The following GLI3 variants were observed in gnomAD, a reference collection of about 807,000 sequenced individuals.
The protein encoded by GLI3 is transcription activator GLI3.
In GLI3, 20 loss-of-function variants were observed where a neutral mutation model predicts 100.8. That is an observed-to-expected ratio of 0.20 (90% CI 0.14 to 0.29). The LOEUF is 0.29. GLI3 is among the 10% of genes least tolerant of loss of function. The pLI, the probability that GLI3 is intolerant of heterozygous loss-of-function variation, is 1.00. For synonymous variants in GLI3, 938 were observed against 860.5 expected (o/e 1.09, Z -1.58); for missense variants, 2,040 against 2,128.5 (o/e 0.96, Z 0.82).
At chr7:42,226,093 A>G (rs1244121059) in intron 1 of GLI3, among the ~76,000 whole-genome samples, 2 of 152,254 alleles carry the variant, frequency 1.3e-5, no homozygotes, top group Admixed American at 6.5e-5. Flanking sequence ...TTTAGCAGAA[A>G]TATTTAATTG....
intron 3 of GLI3, among the ~76,000 whole-genome samples, chr7:42,089,788 T>A (rs1785179172): frequency 6.6e-6 from 1 of 152,260 alleles, no homozygotes; most frequent in Admixed American, 6.5e-5. Flanking sequence ...CTTAACTCTG[T>A]TGACTCCACA....
intron 2 of GLI3, among the ~76,000 whole-genome samples, chr7:42,171,289 C>G (rs996266926): frequency 1.3e-5 from 2 of 152,192 alleles, no homozygotes; most frequent in Non-Finnish European, 2.9e-5. Flanking sequence ...ACACTTCTTC[C>G]CAAGTGAAAA....
At chr7:41,997,153 C>T (rs1253304920) in intron 10 of GLI3, among the ~76,000 whole-genome samples, 1 of 152,126 alleles carries the variant, frequency 6.6e-6, no homozygotes, top group Non-Finnish European at 1.5e-5. Flanking sequence ...GTTTTTCCCC[C>T]AGATGTTTCC....
chr7:41,965,110 C>T lies in GLI3; in HGVS notation c.3963G>A (p.Gly1321=). 1.2e-6 allele frequency: 2 copies of T among 1,613,746 alleles called. No homozygotes were observed. Among genetic ancestry groups the T allele is most frequent in the South Asian group, 1.1e-5 (1 of 91,088 alleles). ...GMQNQDPVGQ[G]YLAHQLLGDS... Reference sequence around the variant, plus strand: ...CGCCGAGGAGCTGGTGAGCCAGGTACCCCTGTCCCACTGGGTCCTGGTTCT... The same window carrying T: ...CGCCGAGGAGCTGGTGAGCCAGGTATCCCTGTCCCACTGGGTCCTGGTTCT... Residue 1321 remains glycine, a synonymous_variant, in exon 15 of 15, where the codon GGG becomes GGA. Transcript: ENST00000395925.
At chr7:42,223,816 A>G (rs1055845610) in intron 1 of GLI3, among the ~76,000 whole-genome samples, 1 of 152,172 alleles carries the variant, frequency 6.6e-6, no homozygotes, top group Non-Finnish European at 1.5e-5. Context: ...GTAGTCAGTG[A>G]TTTTTGCCTC....
chr7:42,094,490 C>G (rs962143993), intron 3 of GLI3, among the ~76,000 whole-genome samples: 1 of 147,710 alleles, frequency 6.8e-6, no homozygotes, highest in Non-Finnish European at 1.5e-5. Context: ...AATCCCAGCA[C>G]TTTGGGAGGC....
chr7:42,064,170 G>A (rs1377086106), intron 4 of GLI3, among the ~76,000 whole-genome samples: 2 of 152,120 alleles, frequency 1.3e-5, no homozygotes, highest in Non-Finnish European at 2.9e-5. Context: ...CATAAGGAAA[G>A]TGCAGGCAAC....
At chr7:41,976,703 T>G (rs1295482694) in intron 12 of GLI3, among the ~76,000 whole-genome samples, 1 of 152,240 alleles carries the variant, frequency 6.6e-6, no homozygotes, top group East Asian at 1.9e-4. Flanking sequence ...TAACAAATTC[T>G]GGTTAGCTAT....
rs1583620393 is a variant in GLI3, at chr7:42,172,779, A to G, written c.125-24311T>C. 1.5e-5 allele frequency: 9 copies of G among 610,498 alleles called. No homozygotes were observed. In the South Asian group the frequency reaches 1.8e-4, roughly 12 times the overall value. 37.8% of individuals were successfully genotyped at this position (610,498 alleles called of 1,614,324 possible). A position where few individuals can be genotyped will look rare whatever the true frequency, so the allele number is the denominator to read the frequency against. ...CATTACTTGGCTATTATCACCTTCT[A>G]TTTAACAAAGCACAAGCCATTTATG... On this transcript the variant is annotated intron_variant, in intron 2 of 14. Transcript: ENST00000395925.
intron 10 of GLI3, among the ~76,000 whole-genome samples, chr7:41,986,154 G>A (rs1787817147): frequency 6.6e-6 from 1 of 152,116 alleles, no homozygotes. Flanking sequence ...TCTTATTTCT[G>A]ATTTGTGAAT....
intron 3 of GLI3, among the ~76,000 whole-genome samples, chr7:42,142,934 C>CAAAAAA (rs11287528): frequency 1.3e-5 from 1 of 76,918 alleles, no homozygotes; most frequent in Non-Finnish European, 2.4e-5. Context: ...ACTCTGTCTC[C>CAAAAAA]AAAAAAAAAA....
chr7:42,112,097 C>G (rs939927485), intron 3 of GLI3, among the ~76,000 whole-genome samples: 10 of 152,186 alleles, frequency 6.6e-5, no homozygotes, highest in African/African-American at 1.9e-4. Context: ...GGAGATTTTA[C>G]CCCACTATTC....
intron 3 of GLI3, among the ~76,000 whole-genome samples, chr7:42,089,370 C>T (rs373517846): frequency 1.3e-5 from 2 of 152,142 alleles, no homozygotes; most frequent in Non-Finnish European, 2.9e-5. Context: ...CATGATAATA[C>T]GGGATTTAAA....
At chr7:42,123,914 G>A (rs988991715) in intron 3 of GLI3, among the ~76,000 whole-genome samples, 3 of 152,130 alleles carry the variant, frequency 2.0e-5, no homozygotes, top group Non-Finnish European at 2.9e-5. Context: ...AGTCTGGCAC[G>A]AAGCCAAGAT....
At chr7:42,156,798 A>G (rs190092152) in intron 2 of GLI3, among the ~76,000 whole-genome samples, 1 of 152,340 alleles carries the variant, frequency 6.6e-6, no homozygotes, top group African/African-American at 2.4e-5. Flanking sequence ...GTGCTTTCAG[A>G]TGCTGGTTCC....
chr7:41,989,132 T>G (rs1203428722), intron 10 of GLI3, among the ~76,000 whole-genome samples: 1 of 152,204 alleles, frequency 6.6e-6, no homozygotes, highest in Non-Finnish European at 1.5e-5. Context: ...GCAAATTGAT[T>G]AGGGGCTTAA....
chr7:42,236,447 C>T (rs1788795341), intron 1 of GLI3, among the ~76,000 whole-genome samples: 1 of 152,336 alleles, frequency 6.6e-6, no homozygotes, highest in East Asian at 1.9e-4. Flanking sequence ...ACCACACCCC[C>T]GCCCTCCGAA....
At chr7:42,183,645 C>A (rs1226225658) in intron 2 of GLI3, among the ~76,000 whole-genome samples, 1 of 152,180 alleles carries the variant, frequency 6.6e-6, no homozygotes, top group Non-Finnish European at 1.5e-5. Flanking sequence ...CCCTACACCG[C>A]CGTCAAATAA....
chr7:42,122,748 G>C (rs699501), intron 3 of GLI3, among the ~76,000 whole-genome samples: 152,177 of 152,370 alleles, frequency 1, 75,992 homozygotes, highest in Middle Eastern at 1. Flanking sequence ...ATAATCAGCT[G>C]GTAAAACTGA....
Sources: allele counts gnomAD v4.1 joint callset (sites outside exome capture counted in the v4.1 genomes callset), GRCh38; gene constraint gnomAD v4.1.1; transcripts MANE v1.5; gene names NCBI Gene and HGNC (gene_info 2026-07-23, HGNC 2026-07-21).